BEND3: variants seen among roughly 807,000 people sequenced by gnomAD.
The protein encoded by BEND3 is BEN domain containing 3.
In BEND3, 13 loss-of-function variants were observed where a neutral mutation model predicts 60.1. That is an observed-to-expected ratio of 0.22 (90% CI 0.14 to 0.34). The LOEUF is 0.34. Ranked by LOEUF, BEND3 falls within the 10% of genes least tolerant of loss-of-function variation. The probability of loss-of-function intolerance (pLI) is 1.00; values close to 1 mark genes in which losing one functional copy is unlikely to be tolerated. For synonymous variants in BEND3, 497 were observed against 491.5 expected (o/e 1.01, Z -0.15); for missense variants, 896 against 1,138.1 (o/e 0.79, Z 3.06).
At position 107,109,020 on chromosome 6, in the gene BEND3, G is replaced by C. The variant is rs1221096034; in HGVS notation, c.-12+6070C>G. Among the ~76,000 whole-genome samples, 3 of 152,000 alleles carry C rather than the reference G, an allele frequency of 2.0e-5. No individual in the cohort carries two copies. The East Asian group carries it at 5.9e-4, about 30-fold the overall frequency. On this transcript the variant is annotated intron_variant, in intron 1 of 3. Coordinates refer to ENST00000369042, the MANE Select transcript of BEND3 (RefSeq NM_001367314.1). Reference sequence around the variant, plus strand: ...GGGGTTTGGCCATGTTGGCCAGGCTGGTCTCGAACTCCTGGCCTCAAGAGA... The same window carrying C: ...GGGGTTTGGCCATGTTGGCCAGGCTCGTCTCGAACTCCTGGCCTCAAGAGA...
chr6:107,096,578 T>C (rs1481903971), intron 3 of BEND3, among the ~76,000 whole-genome samples: 1 of 152,116 alleles, frequency 6.6e-6, no homozygotes, highest in Non-Finnish European at 1.5e-5. Context: ...GACACTGCAC[T>C]CCAAGCCTGG....
At chr6:107,114,750 G>GGCA (rs1264930450) in intron 1 of BEND3, among the ~76,000 whole-genome samples, 3 of 145,500 alleles carry the variant, frequency 2.1e-5, no homozygotes, top group Admixed American at 6.8e-5. Context: ...CGGCGGCGGC[G>GGCA]GCGCGGACGG....
intron 1 of BEND3, among the ~76,000 whole-genome samples, chr6:107,103,269 T>C (rs554464343): frequency 1.1e-4 from 16 of 152,216 alleles, no homozygotes; most frequent in Non-Finnish European, 1.6e-4. Flanking sequence ...AGCACACTGC[T>C]ACCTCCATTT....
intron 3 of BEND3, among the ~76,000 whole-genome samples, chr6:107,087,473 T>C (rs1029013479): frequency 1.4e-4 from 21 of 151,950 alleles, no homozygotes; most frequent in South Asian, 2.1e-4. Flanking sequence ...CAAGAACAGA[T>C]GGTCGGCGAG....
intron 1 of BEND3, chr6:107,114,322 G>C (rs1360206420): frequency 6.6e-6 from 1 of 152,126 alleles, no homozygotes; most frequent in African/African-American, 2.4e-5. Flanking sequence ...CGCCAGCCCG[G>C]GTGCACACCC....
intron 3 of BEND3, among the ~76,000 whole-genome samples, chr6:107,074,589 G>A (rs1775061129): frequency 6.6e-6 from 1 of 152,132 alleles, no homozygotes; most frequent in Admixed American, 6.5e-5. Flanking sequence ...GTCACTCATG[G>A]AAGGCACTTC....
chr6:107,111,784 C>A (rs1019605322), intron 1 of BEND3, among the ~76,000 whole-genome samples: 4 of 151,970 alleles, frequency 2.6e-5, no homozygotes, highest in Non-Finnish European at 2.9e-5. Flanking sequence ...GAGTTCAAGA[C>A]CAACCTGGCC....
chr6:107,081,723 C>A (rs1354303273), intron 3 of BEND3, among the ~76,000 whole-genome samples: 1 of 151,622 alleles, frequency 6.6e-6, no homozygotes, highest in Admixed American at 6.6e-5. Context: ...TGGGTGATAC[C>A]TGAAGCTCCA....
chr6:107,109,347 G>A (rs1424417262), intron 1 of BEND3, among the ~76,000 whole-genome samples: 3 of 146,334 alleles, frequency 2.1e-5, no homozygotes, highest in Non-Finnish European at 4.5e-5. Flanking sequence ...AGGAGGCTGA[G>A]GCAAGAGAAT....
chr6:107,099,102 G>A, intron 2 of BEND3, 147 bp downstream of exon 2: 3 of 670,168 alleles, frequency 4.5e-6, no homozygotes, highest in Non-Finnish European at 7.9e-6. Flanking sequence ...TGTGTGGGTG[G>A]AGGGGGATGG....
chr6:107,072,516 T>TC (rs1462073318), intron 3 of BEND3, among the ~76,000 whole-genome samples: 3 of 152,204 alleles, frequency 2.0e-5, no homozygotes, highest in African/African-American at 7.2e-5. Flanking sequence ...GAGGTGTTTT[T>TC]CTCTGCAGCC....
chr6:107,074,490 G>A lies in BEND3; in HGVS notation c.241-3540C>T, dbSNP rs191066908. Among the ~76,000 whole-genome samples, 15 of 152,262 alleles carry A rather than the reference G, an allele frequency of 9.9e-5. No homozygotes were observed. The East Asian group carries it at 2.5e-3, about 25-fold the overall frequency. On this transcript the variant is annotated intron_variant, in intron 3 of 3. Transcript: ENST00000369042. ...AATGCTATTCCCAAGCCATGGCAGA[G>A]GTAGTTCTGTAGGGGACTTTTATTA...
chr6:107,114,656 G>A (rs1224345028), intron 1 of BEND3, among the ~76,000 whole-genome samples: 4 of 135,088 alleles, frequency 3.0e-5, no homozygotes, highest in Non-Finnish European at 6.7e-5. Flanking sequence ...CCGCGAGTAC[G>A]GCAGAGCCTT....
intron 1 of BEND3, among the ~76,000 whole-genome samples, chr6:107,104,712 A>G (rs1775777280): frequency 6.6e-6 from 1 of 151,174 alleles, no homozygotes; most frequent in Non-Finnish European, 1.5e-5. Context: ...TCTGTCACCC[A>G]GGCTGCAGTG....
At chr6:107,090,877 G>T (rs1775461424) in intron 3 of BEND3, among the ~76,000 whole-genome samples, 1 of 152,148 alleles carries the variant, frequency 6.6e-6, no homozygotes, top group South Asian at 2.1e-4. Flanking sequence ...TTGGAAGGCA[G>T]AGGCAGTGGA....
chr6:107,067,482 G>A lies in BEND3; in HGVS notation c.*1222C>T, dbSNP rs781842044. On this transcript the variant is annotated 3_prime_UTR_variant, in exon 4 of 4. Transcript: ENST00000369042. Reference sequence around the variant, plus strand: ...CAGTCGGGAGGGAACGAAGACATGTGCCCCCCAAGGCAGGGGGTGGCCAGG... The same window carrying A: ...CAGTCGGGAGGGAACGAAGACATGTACCCCCCAAGGCAGGGGGTGGCCAGG... 2 of 152,224 alleles carry A rather than the reference G, an allele frequency of 1.3e-5. No individual in the cohort carries two copies. The highest frequency in any genetic ancestry group is 2.9e-5 in the Non-Finnish European group (2 of 68,054). 9.4% of individuals were successfully genotyped at this position (152,224 alleles called of 1,614,324 possible).
chr6:107,098,834 G>A (rs1775644607), intron 2 of BEND3, 81 bp from the exon 3 acceptor site: 1 of 1,233,980 alleles, frequency 8.1e-7, no homozygotes, highest in African/African-American at 1.5e-5. Flanking sequence ...GCAGCAGGGT[G>A]TCTGTGGGCC....
In BEND3 at chr6:107,083,337, C is replaced by T. The variant is rs542668627; in HGVS notation, c.241-12387G>A. Among the ~76,000 whole-genome samples the T allele has an allele frequency of 2.6e-5, 4 of 152,200 alleles. No homozygotes were observed. In the East Asian group the frequency reaches 5.8e-4, roughly 22 times the overall value. ...TAATTATTCGTTTATTAAAAATTAT[C>T]GGCCAGGCACGGTGGCTCATGCCTG... On this transcript the variant is annotated intron_variant, in intron 3 of 3. Transcript: ENST00000369042.
chr6:107,070,579 G>C lies in BEND3; in HGVS notation c.612C>G (p.Asn204Lys). 6.2e-7 allele frequency: 1 copy of C among 1,612,746 alleles called. No individual in the cohort carries two copies. The highest frequency in any genetic ancestry group is 8.5e-7 in the Non-Finnish European group (1 of 1,180,034). Residue 204 changes from asparagine to lysine, a missense_variant, in exon 4 of 4, where the codon AAC becomes AAG. Asn to Lys is a moderately conservative substitution (Grantham distance 94). Transcript: ENST00000369042. This position sits in a 1 kb window ranked among gnomAD's most constrained non-coding sequence, Gnocchi z 6.9. ...FLIQKMFYML[N>K]TLTSNMSQLH... ...GCTGGGACATGTTGGACGTGAGGGT[G>C]TTCAGCATGTAGAACATCTTCTGGA...
Sources: allele counts gnomAD v4.1 joint callset (sites outside exome capture counted in the v4.1 genomes callset), GRCh38; gene constraint gnomAD v4.1.1; non-coding constraint Gnocchi (gnomAD v3.1); transcripts MANE v1.5; gene names NCBI Gene and HGNC (gene_info 2026-07-23, HGNC 2026-07-21).